URB1: variants seen among roughly 807,000 people sequenced by gnomAD.
URB1 encodes URB1 ribosome biogenesis factor, also known as nucleolar pre-ribosomal-associated protein 1.
Under a neutral mutation model 242.3 loss-of-function variants are expected in URB1, and 197 were observed. The observed-to-expected ratio is 0.81, with a 90% CI of 0.72 to 0.91. URB1 has a LOEUF of 0.91. Among genes scored for constraint, URB1 ranks in the 40% least tolerant of loss-of-function variants. The pLI, the probability that URB1 is intolerant of heterozygous loss-of-function variation, is 0.00. For missense variants in URB1, 2,721 were observed against 2,860.5 expected (o/e 0.95, Z 1.11); for synonymous variants, 1,153 against 1,201.8 (o/e 0.96, Z 0.84).
intron 26 of URB1, 124 bp downstream of exon 26, chr21:32,338,583 A>G: frequency 1.8e-6 from 2 of 1,082,376 alleles, no homozygotes; most frequent in East Asian, 2.6e-5. Flanking sequence ...ACATTCTGAC[A>G]CTGTCTTGGC....
chr21:32,334,335 C>G lies in URB1; in HGVS notation c.4686-1G>C. Reference sequence around the variant, plus strand: ...GGCCGCTGGGCCCCACAGCAGCACCCTAGAGCCAGAAAAGGGAAAAGAGAC... The same window carrying G: ...GGCCGCTGGGCCCCACAGCAGCACCGTAGAGCCAGAAAAGGGAAAAGAGAC... On this transcript the variant is annotated splice_acceptor_variant, in intron 28 of 38. Coordinates refer to ENST00000382751, the MANE Select transcript of URB1 (RefSeq NM_014825.3). LOFTEE classifies it high-confidence loss of function. 1 of 1,541,674 alleles carries G rather than the reference C, an allele frequency of 6.5e-7. No individual in the cohort carries two copies.
chr21:32,342,778 C>A (rs2033045818), intron 24 of URB1, among the ~76,000 whole-genome samples: 1 of 152,182 alleles, frequency 6.6e-6, no homozygotes, highest in Non-Finnish European at 1.5e-5. Flanking sequence ...TATACATGTT[C>A]TCTTTCCCCC....
intron 28 of URB1, among the ~76,000 whole-genome samples, chr21:32,335,028 TGCTGCCAGGCC>T (rs1197062194): frequency 6.6e-6 from 1 of 152,114 alleles, no homozygotes; most frequent in Non-Finnish European, 1.5e-5. Context: ...GCTGCCCCGC[TGCTGCCAGGCC>T]GCTCCCCAGA....
At position 32,315,028 on chromosome 21, in the gene URB1, A is replaced by G. The variant is rs1421019771; in HGVS notation, c.6706T>C (p.Leu2236=). 132 of 1,551,378 alleles carry G rather than the reference A, an allele frequency of 8.5e-5. No homozygotes were observed. The highest frequency in any genetic ancestry group is 1.1e-4 in the Non-Finnish European group (121 of 1,146,850). The change falls in exon 39 of 39, where the codon TTA becomes CTA. Residue 2236 remains leucine (L), a synonymous_variant. Transcript: ENST00000382751. ...WLGAQRPDTL[L]THVRMVCEAA... ...TCACACACCATCCGGACGTGGGTTA[A>G]GAGGGTGTCCGGCCGCTGAGCCCCC...
Position 32,354,082 on chromosome 21 carries a change from A to G in URB1, c.2267T>C (p.Val756Ala). The G allele has an allele frequency of 6.4e-7, 1 of 1,551,748 alleles. No homozygotes were observed. The highest frequency in any genetic ancestry group is 8.7e-7 in the Non-Finnish European group (1 of 1,147,008). ...HIDDVLDMVDVLVEGSEGLDE... is the reference protein window; with the variant it reads ...HIDDVLDMVDALVEGSEGLDE... Reference sequence around the variant, plus strand: ...CAAGCCTTCACTGCCCTCCACCAGGACATCCACCATGTCGAGAACATCTGA... The same window carrying G: ...CAAGCCTTCACTGCCCTCCACCAGGGCATCCACCATGTCGAGAACATCTGA... The change falls in exon 18 of 39, where the codon GTC (valine) becomes GCC (alanine). Residue 756 changes from valine (V) to alanine (A), a missense_variant. Coordinates refer to ENST00000382751, the MANE Select transcript of URB1 (RefSeq NM_014825.3).
chr21:32,384,282 A>G (rs2033557689), intron 3 of URB1, 31 bp downstream of exon 3: 1 of 1,541,484 alleles, frequency 6.5e-7, no homozygotes, highest in Non-Finnish European at 8.8e-7. Context: ...CCAAAGGCCC[A>G]TCCTTTGTCA....
intron 8 of URB1, among the ~76,000 whole-genome samples, chr21:32,369,143 G>C (rs1440192426): frequency 1.3e-5 from 2 of 152,126 alleles, no homozygotes; most frequent in Admixed American, 1.3e-4. Flanking sequence ...AGGAGTTCAA[G>C]ACCTTGGCCT....
At position 32,316,591 on chromosome 21, in the gene URB1, G is replaced by GCCA; in HGVS notation, c.6506_6508dup (p.Val2169dup). On this transcript the variant is annotated inframe_insertion, in exon 38 of 39. Transcript: ENST00000382751. ...CAGCATGACCGTATTGAACAGGCAG[G>GCCA]CCACCTCCTGCACAGGCCCTGCCAG... 6.4e-7 allele frequency: 1 copy of GCCA among 1,551,422 alleles called. No individual in the cohort carries two copies. Among genetic ancestry groups the GCCA allele is most frequent in the Non-Finnish European group, 8.7e-7 (1 of 1,146,956 alleles).
chr21:32,363,172 C>T lies in URB1; in HGVS notation c.1493G>A (p.Arg498Lys). The change falls in exon 11 of 39, where the codon AGA becomes AAA. Residue 498 changes from arginine (R) to lysine (K), a missense_variant. By Grantham distance (26) the Arg-to-Lys change is conservative (BLOSUM62 2). Coordinates refer to ENST00000382751, the MANE Select transcript of URB1 (RefSeq NM_014825.3). ...VMMEEFVQLF[R>K]EALSKILPDL... ...AGAGCCTACCTTGCTCAGGGCTTCT[C>T]TGAAGAGCTGCACGAATTCTTCCAT... 6.4e-7 allele frequency: 1 copy of T among 1,551,854 alleles called. No homozygotes were observed.
chr21:32,354,262 A>C (rs1444308602), intron 17 of URB1, among the ~76,000 whole-genome samples, 159 bp from the exon 18 acceptor site: 1 of 152,242 alleles, frequency 6.6e-6, no homozygotes, highest in Non-Finnish European at 1.5e-5. Context: ...AACAGACAAA[A>C]ACATTGCCTA....
intron 6 of URB1, among the ~76,000 whole-genome samples, chr21:32,374,984 T>G (rs949246702): frequency 2.6e-5 from 4 of 152,238 alleles, no homozygotes; most frequent in Non-Finnish European, 4.4e-5. Context: ...GGCAGTGATC[T>G]TTTTAGCAAG....
rs1273872967 is a variant in URB1 at position 32,333,303 on chromosome 21, A to C, written c.4960+14T>G. On this transcript the variant is annotated intron_variant, in intron 30 of 38. Transcript: ENST00000382751. Reference sequence around the variant, plus strand: ...TGCATAGCAAGCCCTGACCCAAGAGAAGACTGCAGTTACCTGGCCTGGTCA... The same window carrying C: ...TGCATAGCAAGCCCTGACCCAAGAGCAGACTGCAGTTACCTGGCCTGGTCA... 5 of 1,551,092 alleles carry C rather than the reference A, an allele frequency of 3.2e-6. No homozygotes were observed. Among genetic ancestry groups the C allele is most frequent in the Non-Finnish European group, 4.4e-6 (5 of 1,146,348 alleles).
At chr21:32,335,152 CA>C (rs1487111147) in intron 28 of URB1, 1 of 152,686 alleles carries the variant, frequency 6.5e-6, no homozygotes, top group Non-Finnish European at 1.5e-5. Context: ...GTGGCCTTCC[CA>C]TTGCCTGTTT....
chr21:32,319,306 C>G lies in URB1; in HGVS notation c.5703G>C (p.Gln1901His). ...GCTTGGCAGGCTCCTGGGAGCTAGG[C>G]TGGCAAAGGCGCTGGCTCTCCCACT... ...AVEWESQRLC[Q>H]PSSQEPAKRL... The change falls in exon 36 of 39, where the codon CAG becomes CAC. Residue 1901 changes from glutamine to histidine, a missense_variant. Transcript: ENST00000382751. 6.4e-7 allele frequency: 1 copy of G among 1,551,314 alleles called. No individual in the cohort carries two copies. Among genetic ancestry groups the G allele is most frequent in the East Asian group, 2.4e-5 (1 of 40,882 alleles).
chr21:32,345,497 G>A lies in URB1; in HGVS notation c.3947C>T (p.Pro1316Leu), dbSNP rs1281526166. The change falls in exon 23 of 39, where the codon CCC (proline) becomes CTC (leucine). Residue 1316 changes from proline (P) to leucine (L), a missense_variant. Transcript: ENST00000382751. ...LQSRLLSTDSPPASGLYQEIL... is the reference protein window; with the variant it reads ...LQSRLLSTDSLPASGLYQEIL... ...CTCCTGGTACAGCCCAGATGCTGGG[G>A]GACTGTCAGTGCTAAGAAGCCTGCT... 2 of 1,551,298 alleles carry A rather than the reference G, an allele frequency of 1.3e-6. No homozygotes were observed. The highest frequency in any genetic ancestry group is 1.4e-5 in the African/African-American group (1 of 73,004).
In URB1 at chr21:32,354,930, G is replaced by A; in HGVS notation, c.2174C>T (p.Ala725Val). ...TDKASDFVQE[A>V]SMLQATMTKQ... ...CGTCATAGTGGCCTGCAGCATGCTT[G>A]CTTCTTGGACAAAGTCAGATGCTTT... is the stretch of plus-strand genomic sequence containing the variant. Residue 725 changes from alanine to valine, a missense_variant, in exon 17 of 39, where the codon GCA (alanine) becomes GTA (valine). Transcript: ENST00000382751. 1.9e-6 allele frequency: 3 copies of A among 1,552,348 alleles called. 1 individual carries two copies. Among genetic ancestry groups the A allele is most frequent in the Non-Finnish European group, 2.6e-6 (3 of 1,147,140 alleles).
chr21:32,384,257 G>T, intron 3 of URB1, 56 bp downstream of exon 3: 1 of 1,522,494 alleles, frequency 6.6e-7, no homozygotes, highest in Non-Finnish European at 8.9e-7. Flanking sequence ...GCGGAGAGCT[G>T]AATGCAGACC....
In URB1 at chr21:32,375,464, A is replaced by G; in HGVS notation, c.684T>C (p.Phe228=). The change falls in exon 6 of 39, where the codon TTT becomes TTC. Residue 228 remains phenylalanine (F), a synonymous_variant. Coordinates refer to ENST00000382751, the MANE Select transcript of URB1 (RefSeq NM_014825.3). ...TCCTATCTTCCTTTATCCCTGAGCT[A>G]AAAATGCAAGGAATAAATTCTGAAA... The part of the protein sequence containing the change: ...LEVKEFIPCI[F]SSGIKEDRIS... 1 of 1,527,182 alleles carries G rather than the reference A, an allele frequency of 6.5e-7. No individual in the cohort carries two copies. The highest frequency in any genetic ancestry group is 1.3e-5 in the South Asian group (1 of 79,550). The allele number at this position is 1,527,182 out of a possible 1,614,324, so 94.6% of individuals were successfully genotyped here. A position where few individuals can be genotyped will look rare whatever the true frequency, so the allele number is the denominator to read the frequency against.
At chr21:32,318,047 C>T in intron 36 of URB1, 130 bp from the exon 37 acceptor site, 1 of 1,236,816 alleles carries the variant, frequency 8.1e-7, no homozygotes, top group Non-Finnish European at 1.1e-6. Flanking sequence ...GGTTTTCCTG[C>T]ACAGCAGACA....
Sources: gnomAD v4.1 joint callset for allele counts (sites outside exome capture counted in the v4.1 genomes callset) on GRCh38, gnomAD v4.1.1 for gene constraint, MANE v1.5 for transcripts, NCBI Gene and HGNC (gene_info 2026-07-23, HGNC 2026-07-21) for gene names.